The following ASB18 variants were observed in gnomAD, a reference collection of about 807,000 sequenced individuals.
The protein encoded by ASB18 is ankyrin repeat and SOCS box containing 18.
ASB18 carries 33 observed loss-of-function variants against 33.4 expected under a neutral mutation model. The observed-to-expected ratio is 0.99, with a 90% CI of 0.75 to 1.32. The LOEUF is 1.32. Ranked by LOEUF, ASB18 falls within the 40% of genes most tolerant of loss-of-function variation. The pLI is 0.00. For synonymous variants in ASB18, 295 were observed against 307.6 expected (o/e 0.96, Z 0.43); for missense variants, 694 against 655.5 (o/e 1.06, Z -0.64).
chr2:236,199,042 T>C (rs2060386974), intron 4 of ASB18, among the ~76,000 whole-genome samples: 1 of 152,214 alleles, frequency 6.6e-6, no homozygotes, highest in Non-Finnish European at 1.5e-5. Context: ...TAAGAAAATA[T>C]CTTTCTATTC....
At position 236,252,267 on chromosome 2, in the gene ASB18, TCACACACACACACACACACACA is replaced by T. The variant is rs113672805; in HGVS notation, c.206-10887_206-10866del. ...GCCTTGGCAACAGAGTGAGACTCCG[TCACACACACACACACACACACA>T]CACACACACACACACACACAGTAGA... On this transcript the variant is annotated intron_variant, in intron 1 of 5. Coordinates refer to ENST00000409749, the MANE Select transcript of ASB18 (RefSeq NM_212556.4). The surrounding 1 kb of genome is among the most constrained non-coding windows in gnomAD (Gnocchi z 7.9). 4.3e-5 allele frequency among the ~76,000 whole-genome samples: 6 copies of T among 138,580 alleles called. No individual in the cohort carries two copies. The highest frequency in any genetic ancestry group is 2.6e-4 in the South Asian group (1 of 3,882). 90.9% of individuals were successfully genotyped at this position (138,580 alleles called of 152,430 possible).
In ASB18 at chr2:236,221,158, C is replaced by A. The variant is rs1042738967; in HGVS notation, c.597-6292G>T. On this transcript the variant is annotated intron_variant, in intron 3 of 5. Coordinates refer to ENST00000409749, the MANE Select transcript of ASB18 (RefSeq NM_212556.4). This position sits in a 1 kb window ranked among gnomAD's most constrained non-coding sequence, Gnocchi z 5.6. ...GTCCTGTTTGGGATATGAACTCCAGCCCCCACTATCCAGTGGTGAATACAA... is the reference window on the plus strand; with the variant it reads ...GTCCTGTTTGGGATATGAACTCCAGACCCCACTATCCAGTGGTGAATACAA... 1.1e-4 allele frequency among the ~76,000 whole-genome samples: 17 copies of A among 152,098 alleles called. No homozygotes were observed. Among genetic ancestry groups the A allele is most frequent in the African/African-American group, 4.1e-4 (17 of 41,398 alleles).
Position 236,219,784 on chromosome 2 carries a change from A to G in ASB18, c.597-4918T>C, listed in dbSNP as rs934809365. ...AGCCTTGGCTGAGCCTTTTACTCCA[A>G]GGCAAGATTTTGTGAGTGGGTTTCC... On this transcript the variant is annotated intron_variant, in intron 3 of 5. Coordinates refer to ENST00000409749, the MANE Select transcript of ASB18 (RefSeq NM_212556.4). The surrounding 1 kb of genome is among the most constrained non-coding windows in gnomAD (Gnocchi z 6.4). Among the ~76,000 whole-genome samples, 2 of 152,178 alleles carry G rather than the reference A, an allele frequency of 1.3e-5. No individual in the cohort carries two copies. The highest frequency in any genetic ancestry group is 4.8e-5 in the African/African-American group (2 of 41,452).
chr2:236,201,389 C>T (rs11692797), intron 4 of ASB18, among the ~76,000 whole-genome samples: 1 of 151,802 alleles, frequency 6.6e-6, no homozygotes, highest in Non-Finnish European at 1.5e-5. Flanking sequence ...CCTGGGTTCA[C>T]GCGATCTTCC....
chr2:236,242,455 G>C (rs7581196), intron 1 of ASB18, among the ~76,000 whole-genome samples: 1 of 151,932 alleles, frequency 6.6e-6, no homozygotes, highest in Admixed American at 6.6e-5. Flanking sequence ...TGTATGGTTT[G>C]GGTGCTATGA....
At chr2:236,236,495 G>T (rs371605718) in intron 3 of ASB18, among the ~76,000 whole-genome samples, 1 of 152,174 alleles carries the variant, frequency 6.6e-6, no homozygotes, top group Non-Finnish European at 1.5e-5. Context: ...TTATCAAATT[G>T]TACGCCTTAA....
Position 236,254,785 on chromosome 2 carries a change from G to A in ASB18, c.205+9356C>T, listed in dbSNP as rs540057333. On this transcript the variant is annotated intron_variant, in intron 1 of 5. Coordinates refer to ENST00000409749, the MANE Select transcript of ASB18 (RefSeq NM_212556.4). ...CTAGCTTCAAGGGAAGTGGGTGATC[G>A]GGTTTGGATTTGTGTCCCCGCCCAG... Among the ~76,000 whole-genome samples the A allele has an allele frequency of 2.6e-4, 39 of 152,164 alleles. No homozygotes were observed. In the South Asian group the frequency reaches 7.3e-3, roughly 28 times the overall value.
chr2:236,203,014 T>G lies in ASB18; in HGVS notation c.1102-6629A>C, dbSNP rs866321039. ...CTCCTTCAGTAACAATTTTGGTATT[T>G]GCATTTAGTTTTACAATGTGTTTCC... On this transcript the variant is annotated intron_variant, in intron 4 of 5. Coordinates refer to ENST00000409749, the MANE Select transcript of ASB18 (RefSeq NM_212556.4). This position sits in a 1 kb window ranked among gnomAD's most constrained non-coding sequence, Gnocchi z 6.0. Among the ~76,000 whole-genome samples the G allele has an allele frequency of 1.2e-4, 18 of 152,176 alleles. No homozygotes were observed. The highest frequency in any genetic ancestry group is 3.6e-4 in the African/African-American group (15 of 41,508).
chr2:236,199,612 T>A (rs2060390193), intron 4 of ASB18, among the ~76,000 whole-genome samples: 1 of 151,736 alleles, frequency 6.6e-6, no homozygotes, highest in African/African-American at 2.4e-5. Context: ...CCGTATCTAT[T>A]AATAAGCACA....
At chr2:236,261,038 T>G (rs914014816) in intron 1 of ASB18, among the ~76,000 whole-genome samples, 1 of 152,146 alleles carries the variant, frequency 6.6e-6, no homozygotes, top group Non-Finnish European at 1.5e-5. Flanking sequence ...GTTCAATAAA[T>G]CATCATAATC....
At position 236,225,328 on chromosome 2, in the gene ASB18, G is replaced by A. The variant is rs989620094; in HGVS notation, c.597-10462C>T. Among the ~76,000 whole-genome samples the A allele has an allele frequency of 6.6e-6, 1 of 152,076 alleles. No homozygotes were observed. The highest frequency in any genetic ancestry group is 1.5e-5 in the Non-Finnish European group (1 of 68,024). On this transcript the variant is annotated intron_variant, in intron 3 of 5. Coordinates refer to ENST00000409749, the MANE Select transcript of ASB18 (RefSeq NM_212556.4). The surrounding 1 kb of genome is among the most constrained non-coding windows in gnomAD (Gnocchi z 5.1). ...GGGTCTCACTATGTTGCCCAGGCTG[G>A]TCTCAAACTCCTGGGCTCAAGCGAT... is the stretch of plus-strand genomic sequence containing the variant.
intron 4 of ASB18, among the ~76,000 whole-genome samples, chr2:236,199,109 T>C (rs2060387165): frequency 6.6e-6 from 1 of 152,032 alleles, no homozygotes; most frequent in South Asian, 2.1e-4. Flanking sequence ...TCTAACCAAG[T>C]TGATAGAAAA....
rs139771256 is a variant in ASB18, at chr2:236,196,786, T to C, written c.1102-401A>G. Among the ~76,000 whole-genome samples, 1,651 of 152,312 alleles carry C rather than the reference T, an allele frequency of 0.011. 12 individuals are homozygous for C. Among genetic ancestry groups the C allele is most frequent in the Non-Finnish European group, 0.015 (1,030 of 68,022 alleles). Reference sequence around the variant, plus strand: ...GCCCGAGGATGGTGTTCCCAATTTCTTACCTCAATTTTCAGATGTGTCAGG... The same window carrying C: ...GCCCGAGGATGGTGTTCCCAATTTCCTACCTCAATTTTCAGATGTGTCAGG... On this transcript the variant is annotated intron_variant, in intron 4 of 5. Coordinates refer to ENST00000409749, the MANE Select transcript of ASB18 (RefSeq NM_212556.4). The surrounding 1 kb of genome is among the most constrained non-coding windows in gnomAD (Gnocchi z 5.6).
chr2:236,197,609 G>T (rs528108389), intron 4 of ASB18, among the ~76,000 whole-genome samples: 1 of 152,294 alleles, frequency 6.6e-6, no homozygotes, highest in Admixed American at 6.5e-5. Context: ...ATCACCTGAG[G>T]TTGGGAGTTC....
chr2:236,212,994 A>G (rs1374557723), intron 4 of ASB18, among the ~76,000 whole-genome samples: 4 of 152,214 alleles, frequency 2.6e-5, no homozygotes. Context: ...TAATGCAGAC[A>G]CAGTGTGCAT....
At position 236,244,018 on chromosome 2, in the gene ASB18, G is replaced by A. The variant is rs1237831787; in HGVS notation, c.206-2616C>T. 6.6e-6 allele frequency among the ~76,000 whole-genome samples: 1 copy of A among 152,092 alleles called. No individual in the cohort carries two copies. The highest frequency in any genetic ancestry group is 1.9e-4 in the East Asian group (1 of 5,192). On this transcript the variant is annotated intron_variant, in intron 1 of 5. Transcript: ENST00000409749. The surrounding 1 kb of genome is among the most constrained non-coding windows in gnomAD (Gnocchi z 6.1). Reference sequence around the variant, plus strand: ...ATTTTTTAATTTTTAGTAGAGACAGGGTTTCACCTTGTTGGCTAGGCTGGT... The same window carrying A: ...ATTTTTTAATTTTTAGTAGAGACAGAGTTTCACCTTGTTGGCTAGGCTGGT...
At chr2:236,246,464 C>T (rs2060645144) in intron 1 of ASB18, among the ~76,000 whole-genome samples, 1 of 149,636 alleles carries the variant, frequency 6.7e-6, no homozygotes, top group Non-Finnish European at 1.5e-5. Context: ...TCCACATCAT[C>T]AGTAGCAAAA....
chr2:236,264,011 G>T lies in ASB18; in HGVS notation c.205+130C>A, dbSNP rs1043744210. ...AGTACACATATATGCATGTATGTAT[G>T]AGAGTCAGATATCCGAGTACATATC... is the stretch of plus-strand genomic sequence containing the variant. On this transcript the variant is annotated intron_variant, in intron 1 of 5. Transcript: ENST00000409749. The surrounding 1 kb of genome is among the most constrained non-coding windows in gnomAD (Gnocchi z 5.1). 1.4e-6 allele frequency: 1 copy of T among 733,938 alleles called. No homozygotes were observed. The highest frequency in any genetic ancestry group is 2.3e-6 in the Non-Finnish European group (1 of 432,990). 45.5% of individuals were successfully genotyped at this position (733,938 alleles called of 1,614,324 possible).
Position 236,221,045 on chromosome 2 carries a change from C to T in ASB18, c.597-6179G>A, listed in dbSNP as rs1476539912. Among the ~76,000 whole-genome samples the T allele has an allele frequency of 6.6e-6, 1 of 152,120 alleles. No homozygotes were observed. The highest frequency in any genetic ancestry group is 1.5e-5 in the Non-Finnish European group (1 of 68,038). On this transcript the variant is annotated intron_variant, in intron 3 of 5. Coordinates refer to ENST00000409749, the MANE Select transcript of ASB18 (RefSeq NM_212556.4). This position sits in a 1 kb window ranked among gnomAD's most constrained non-coding sequence, Gnocchi z 5.6. ...TGGCACGGTAGATGGCATCCTCCCT[C>T]CTTTTTGGTGAGGAGTTCATCTTTG...
Sources: allele counts gnomAD v4.1 joint callset (sites outside exome capture counted in the v4.1 genomes callset), GRCh38; gene constraint gnomAD v4.1.1; non-coding constraint Gnocchi (gnomAD v3.1); transcripts MANE v1.5; gene names NCBI Gene and HGNC (gene_info 2026-07-23, HGNC 2026-07-21).